The following CR2 variants were observed in gnomAD, a reference collection of about 807,000 sequenced individuals.
CR2 encodes complement C3d receptor 2.
Under a neutral mutation model 123.0 loss-of-function variants are expected in CR2, and 96 were observed. The observed-to-expected ratio is 0.78, with a 90% CI of 0.66 to 0.93. CR2 has a LOEUF of 0.93. Among genes scored for constraint, CR2 ranks in the 40% least tolerant of loss-of-function variants. CR2 has a pLI of 0.00. For synonymous variants in CR2, 484 were observed against 469.5 expected (o/e 1.03, Z -0.40); for missense variants, 1,258 against 1,361.0 (o/e 0.92, Z 1.19).
chr1:207,477,827 C>T, intron 15 of CR2, 58 bp from the exon 16 acceptor site: 2 of 1,531,012 alleles, frequency 1.3e-6, no homozygotes. Context: ...GAAATTTCTG[C>T]TTTCTTGGTA....
chr1:207,462,988 A>T (rs1268501070), intron 1 of CR2, among the ~76,000 whole-genome samples: 1 of 152,200 alleles, frequency 6.6e-6, no homozygotes, highest in Admixed American at 6.5e-5. Flanking sequence ...AGTTTTGTAA[A>T]TGTAAGAATT....
chr1:207,456,933 G>A (rs1332368300), intron 1 of CR2, among the ~76,000 whole-genome samples: 2 of 152,142 alleles, frequency 1.3e-5, no homozygotes, highest in African/African-American at 4.8e-5. Flanking sequence ...CTTTTGAAAT[G>A]CTCTTCCTAC....
chr1:207,477,134 A>G (rs1038461143), intron 15 of CR2, among the ~76,000 whole-genome samples: 3 of 152,252 alleles, frequency 2.0e-5, no homozygotes, highest in Non-Finnish European at 1.5e-5. Flanking sequence ...TAATAAAGAC[A>G]TATCTGAAAC....
intron 19 of CR2, among the ~76,000 whole-genome samples, chr1:207,485,953 G>A (rs1440555760): frequency 3.3e-5 from 5 of 152,066 alleles, no homozygotes; most frequent in Admixed American, 1.3e-4. Flanking sequence ...AGCCAGGGCC[G>A]GCCTTGGTGG....
In CR2 at chr1:207,469,823, A is replaced by G; in HGVS notation, c.946A>G (p.Ile316Val). The stretch of plus-strand genomic sequence containing the variant: ...GGACCCAGAGGAAGGAGTGAACTTC[A>G]TCCTTATTGGAGAGAGCACTCTCCG... ...DPDPEEGVNF[I>V]LIGESTLRCT... is the part of the protein sequence containing the mutation. Residue 316 changes from isoleucine to valine, a missense_variant, in exon 6 of 20, where the codon ATC becomes GTC. Physicochemically the swap from Ile to Val is conservative, Grantham distance 29. Coordinates refer to ENST00000367057, the MANE Select transcript of CR2 (RefSeq NM_001006658.3). The G allele has an allele frequency of 6.2e-7, 1 of 1,613,962 alleles. No individual in the cohort carries two copies. Among genetic ancestry groups the G allele is most frequent in the Non-Finnish European group, 8.5e-7 (1 of 1,179,944 alleles).
intron 1 of CR2, among the ~76,000 whole-genome samples, chr1:207,464,402 T>G (rs1308381945): frequency 6.6e-6 from 1 of 152,190 alleles, no homozygotes. Flanking sequence ...TGTAAGTCAC[T>G]CCCAGCCATC....
intron 18 of CR2, among the ~76,000 whole-genome samples, chr1:207,481,757 T>C (rs1572964664): frequency 6.6e-6 from 1 of 152,216 alleles, no homozygotes; most frequent in East Asian, 1.9e-4. Context: ...GCCATAAAAG[T>C]ATCTTATTTT....
chr1:207,488,011 A>G (rs1166006983), intron 19 of CR2, among the ~76,000 whole-genome samples: 11 of 152,244 alleles, frequency 7.2e-5, no homozygotes, highest in Non-Finnish European at 5.9e-5. Flanking sequence ...TAAATCATCA[A>G]CTAAGAACTG....
intron 9 of CR2, chr1:207,471,897 C>G (rs1017064597): frequency 3.4e-6 from 1 of 290,386 alleles, no homozygotes; most frequent in Non-Finnish European, 6.7e-6. Flanking sequence ...GAAACTCTAG[C>G]CTTTCTTCTG....
intron 18 of CR2, among the ~76,000 whole-genome samples, chr1:207,482,172 A>G (rs1658621500): frequency 1.3e-5 from 2 of 152,152 alleles, no homozygotes; most frequent in South Asian, 2.1e-4. Context: ...GTTTTTCCCT[A>G]TTTAAAATCA....
intron 15 of CR2, 42 bp downstream of exon 15, chr1:207,476,461 GT>G (rs1658444868): frequency 1.3e-6 from 2 of 1,562,068 alleles, no homozygotes; most frequent in Non-Finnish European, 1.7e-6. Context: ...TATCAAATTT[GT>G]GCCAAATAGA....
In CR2 at chr1:207,469,192, T is replaced by C; in HGVS notation, c.777T>C (p.Ala259=). 6 of 1,613,950 alleles carry C rather than the reference T, an allele frequency of 3.7e-6. No homozygotes were observed. The highest frequency in any genetic ancestry group is 1.1e-5 in the South Asian group (1 of 91,080). The part of the protein sequence containing the change: ...QGPPSSRCVI[A]GQGVAWTKMP... ...CACCTTCTAGTCGGTGTGTAATTGC[T>C]GGACAGGGAGTTGCTTGGACCAAAA... The change falls in exon 5 of 20, where the codon GCT becomes GCC. Residue 259 remains alanine, a synonymous_variant. Coordinates refer to ENST00000367057, the MANE Select transcript of CR2 (RefSeq NM_001006658.3).
chr1:207,473,903 T>A lies in CR2; in HGVS notation c.2240+18T>A. The A allele has an allele frequency of 1.2e-6, 2 of 1,610,706 alleles. No individual in the cohort carries two copies. Among genetic ancestry groups the A allele is most frequent in the Non-Finnish European group, 1.7e-6 (2 of 1,177,368 alleles). ...CAAGATGGGTGAGTATGAAGTGGTC[T>A]ATTCTGAGAAAAGGTCTCAACCTTG... On this transcript the variant is annotated intron_variant, in intron 12 of 19. Transcript: ENST00000367057.
rs756848982 is a variant in CR2, at chr1:207,470,905, C to T, written c.1391C>T (p.Pro464Leu). 3.7e-6 allele frequency: 6 copies of T among 1,613,708 alleles called. No homozygotes were observed. Among genetic ancestry groups the T allele is most frequent in the Middle Eastern group, 1.7e-4 (1 of 6,056 alleles). ...TSEGVWTPPV[P>L]QCKVAACEAT... ...GAGGGGGTGTGGACACCCCCTGTAC[C>T]CCAATGCAAAGGTGCCAGGCCTCAA... Residue 464 changes from proline (P) to leucine (L), a missense_variant, in exon 7 of 20, where the codon CCC becomes CTC. Pro to Leu is a moderately conservative substitution (Grantham distance 98). Coordinates refer to ENST00000367057, the MANE Select transcript of CR2 (RefSeq NM_001006658.3).
chr1:207,466,623 A>T lies in CR2; in HGVS notation c.156A>T (p.Ser52=). ...GTACCGTGATAAGGTACAGTTGTTC[A>T]GGTACCTTCCGCCTCATTGGAGAAA... The part of the protein sequence containing the change: ...AVGTVIRYSC[S]GTFRLIGEKS... The change falls in exon 2 of 20, where the codon TCA becomes TCT. Residue 52 remains serine, a synonymous_variant. Coordinates refer to ENST00000367057, the MANE Select transcript of CR2 (RefSeq NM_001006658.3). The T allele has an allele frequency of 6.2e-7, 1 of 1,614,080 alleles. No individual in the cohort carries two copies.
chr1:207,459,111 T>A (rs1194090079), intron 1 of CR2, among the ~76,000 whole-genome samples: 1 of 152,210 alleles, frequency 6.6e-6, no homozygotes, highest in Non-Finnish European at 1.5e-5. Context: ...TTTAGAATAA[T>A]TATCCTTGGC....
intron 1 of CR2, among the ~76,000 whole-genome samples, chr1:207,457,906 A>G (rs1211842641): frequency 2.6e-5 from 4 of 152,044 alleles, no homozygotes; most frequent in Non-Finnish European, 5.9e-5. Context: ...TACTATTTAT[A>G]TGTTGATGAC....
At position 207,470,796 on chromosome 1, in the gene CR2, C is replaced by G. The variant is rs373176986; in HGVS notation, c.1282C>G (p.Arg428Gly). 1 of 1,613,868 alleles carries G rather than the reference C, an allele frequency of 6.2e-7. No homozygotes were observed. The highest frequency in any genetic ancestry group is 8.5e-7 in the Non-Finnish European group (1 of 1,179,854). ...NGQKEDRHMV[R>G]FDPGTSIKYS... is the part of the protein sequence containing the mutation. ...GCAAAAGGAAGATAGACACATGGTCCGCTTTGACCCTGGAACATCTATAAA... is the reference window on the plus strand; with the variant it reads ...GCAAAAGGAAGATAGACACATGGTCGGCTTTGACCCTGGAACATCTATAAA... The change falls in exon 7 of 20, where the codon CGC becomes GGC. Residue 428 changes from arginine to glycine, a missense_variant. By Grantham distance (125) the Arg-to-Gly change is moderately radical. Coordinates refer to ENST00000367057, the MANE Select transcript of CR2 (RefSeq NM_001006658.3).
intron 2 of CR2, among the ~76,000 whole-genome samples, chr1:207,468,100 T>C (rs959261120): frequency 6.6e-6 from 1 of 152,226 alleles, no homozygotes; most frequent in African/African-American, 2.4e-5. Context: ...GTACTATTTA[T>C]GGCTATTTGT....
Sources: allele counts gnomAD v4.1 joint callset (sites outside exome capture counted in the v4.1 genomes callset), GRCh38; gene constraint gnomAD v4.1.1; transcripts MANE v1.5; gene names NCBI Gene and HGNC (gene_info 2026-07-23, HGNC 2026-07-21).